The following SCARB2 variants were observed in gnomAD, a reference collection of about 807,000 sequenced individuals.
SCARB2 encodes lysosome membrane protein 2.
SCARB2 carries 29 observed loss-of-function variants against 58.6 expected under a neutral mutation model. The observed-to-expected ratio is 0.49, with a 90% CI of 0.37 to 0.67. SCARB2 has a LOEUF of 0.67. SCARB2 is among the 30% of genes least tolerant of loss of function. SCARB2 has a pLI of 0.00. For missense variants in SCARB2, 488 were observed against 578.5 expected, an observed-to-expected ratio of 0.84 and a Z score of 1.60; for synonymous variants, 195 against 210.1, an observed-to-expected ratio of 0.93 and a Z score of 0.62.
chr4:76,205,749 C>T (rs1282235648), intron 1 of SCARB2, among the ~76,000 whole-genome samples: 2 of 152,168 alleles, frequency 1.3e-5, no homozygotes, highest in Non-Finnish European at 2.9e-5. Flanking sequence ...ACCCCAGCAG[C>T]AATATTCATT....
At chr4:76,207,004 G>T (rs990440325) in intron 1 of SCARB2, among the ~76,000 whole-genome samples, 1 of 152,052 alleles carries the variant, frequency 6.6e-6, no homozygotes, top group African/African-American at 2.4e-5. Context: ...ATAAAACAGG[G>T]ATATTATGTA....
At position 76,159,046 on chromosome 4, in the gene SCARB2, C is replaced by T. The variant is rs1000759727; in HGVS notation, c.*2667G>A. 1 of 152,186 alleles carries T rather than the reference C, an allele frequency of 6.6e-6. No homozygotes were observed. Among genetic ancestry groups the T allele is most frequent in the Non-Finnish European group, 1.5e-5 (1 of 68,032 alleles). 9.4% of individuals were successfully genotyped at this position (152,186 alleles called of 1,614,324 possible). ...TTGACCATTAGTGATCTTTCTAGAA[C>T]ATGAGGAAATCAAGTCTGGTTAGAA... On this transcript the variant is annotated 3_prime_UTR_variant, in exon 12 of 12. Transcript: ENST00000264896.
At position 76,213,715 on chromosome 4, in the gene SCARB2, CG is replaced by C; in HGVS notation, c.-173del. ...TCTGGGCTCCGCGGCCTGGCGAGCG[CG>C]GCCCCGGGTGCACCGGGCGGATGGG... On this transcript the variant is annotated 5_prime_UTR_variant, in exon 1 of 12. Transcript: ENST00000264896. 1 of 535,114 alleles carries C rather than the reference CG, an allele frequency of 1.9e-6. No homozygotes were observed. Among genetic ancestry groups the C allele is most frequent in the Non-Finnish European group, 3.2e-6 (1 of 309,646 alleles). 33.1% of individuals were successfully genotyped at this position (535,114 alleles called of 1,614,324 possible). A position where few individuals can be genotyped will look rare whatever the true frequency, so the allele number is the denominator to read the frequency against.
intron 8 of SCARB2, among the ~76,000 whole-genome samples, chr4:76,169,329 C>A (rs957700641): frequency 1.4e-5 from 2 of 140,504 alleles, no homozygotes; most frequent in Non-Finnish European, 3.0e-5. Context: ...CACACACACA[C>A]ACACACACAC....
intron 1 of SCARB2, among the ~76,000 whole-genome samples, chr4:76,222,020 TAC>T (rs1733318211): frequency 6.6e-6 from 1 of 152,234 alleles, no homozygotes; most frequent in Non-Finnish European, 1.5e-5. Flanking sequence ...CCACCTGGTA[TAC>T]TAATATCTCT....
intron 1 of SCARB2, among the ~76,000 whole-genome samples, chr4:76,206,127 T>C (rs1732926344): frequency 1.3e-5 from 2 of 152,154 alleles, no homozygotes; most frequent in Admixed American, 6.5e-5. Flanking sequence ...TCATTTGCCA[T>C]GTGAGGTTAG....
Position 76,161,580 on chromosome 4 carries a change from T to C in SCARB2, c.*133A>G. 1.1e-6 allele frequency: 1 copy of C among 914,874 alleles called. No individual in the cohort carries two copies. Among genetic ancestry groups the C allele is most frequent in the Non-Finnish European group, 1.8e-6 (1 of 552,744 alleles). 56.7% of individuals were successfully genotyped at this position (914,874 alleles called of 1,614,324 possible). ...CTTTAACCTCTGGCCAGAATGTTCC[T>C]ATCACTTGCCAGCGCCGTGTCTTTT... On this transcript the variant is annotated 3_prime_UTR_variant, in exon 12 of 12. Transcript: ENST00000264896.
At chr4:76,176,351 A>C (rs1732251106) in intron 5 of SCARB2, 86 bp downstream of exon 5, 1 of 901,776 alleles carries the variant, frequency 1.1e-6, no homozygotes, top group Admixed American at 2.1e-5. Flanking sequence ...AAAAAGGCTA[A>C]ACACATTTTT....
At chr4:76,161,993 G>A (rs1482179590) in intron 11 of SCARB2, 4 of 574,946 alleles carry the variant, frequency 7.0e-6, no homozygotes, top group African/African-American at 5.6e-5. Context: ...CCTTCTCTGT[G>A]TTGATCTGGA....
At chr4:76,201,488 G>A (rs377447729) in intron 1 of SCARB2, among the ~76,000 whole-genome samples, 3 of 152,292 alleles carry the variant, frequency 2.0e-5, no homozygotes, top group Non-Finnish European at 2.9e-5. Context: ...AGAGCACAAC[G>A]CTGTGCCAGG....
intron 5 of SCARB2, 96 bp downstream of exon 5, chr4:76,176,341 A>G: frequency 1.2e-6 from 1 of 820,940 alleles, no homozygotes; most frequent in Non-Finnish European, 2.0e-6. Flanking sequence ...TTTTCATCCA[A>G]AAAAGGCTAA....
chr4:76,223,735 A>G (rs546717748), intron 1 of SCARB2, among the ~76,000 whole-genome samples: 1 of 152,324 alleles, frequency 6.6e-6, no homozygotes, highest in Admixed American at 6.5e-5. Flanking sequence ...CTCAAGGCCC[A>G]GTCACAAGTG....
intron 7 of SCARB2, among the ~76,000 whole-genome samples, chr4:76,170,971 T>TATATATATATATATATA (rs34900504): frequency 7.5e-6 from 1 of 133,832 alleles, no homozygotes; most frequent in Non-Finnish European, 1.6e-5. Flanking sequence ...TATATATATA[T>TATATATATATATATATA]AACCAAATAG....
chr4:76,195,866 T>C lies in SCARB2; in HGVS notation c.118-2A>G. ...AGTACCATTCCTTAACACAATTTTC[T>C]AGGAAAAAACCAAAAGGAGATTTAC... On this transcript the variant is annotated splice_acceptor_variant, in intron 1 of 11. Coordinates refer to ENST00000264896, the MANE Select transcript of SCARB2 (RefSeq NM_005506.4). LOFTEE classifies it high-confidence loss of function. 6.2e-7 allele frequency: 1 copy of C among 1,604,728 alleles called. No individual in the cohort carries two copies. The highest frequency in any genetic ancestry group is 8.5e-7 in the Non-Finnish European group (1 of 1,177,134).
At chr4:76,196,317 C>T (rs1560716398) in intron 1 of SCARB2, among the ~76,000 whole-genome samples, 3 of 152,198 alleles carry the variant, frequency 2.0e-5, no homozygotes, top group Non-Finnish European at 4.4e-5. Context: ...CGTGCCACTG[C>T]ACTCCAGCCT....
intron 1 of SCARB2, among the ~76,000 whole-genome samples, chr4:76,200,665 C>T (rs1420851963): frequency 6.6e-6 from 1 of 152,298 alleles, no homozygotes; most frequent in Middle Eastern, 3.4e-3. Flanking sequence ...GCCTAACAAA[C>T]AGCTTATGCC....
chr4:76,208,321 G>T (rs765566568), intron 1 of SCARB2, among the ~76,000 whole-genome samples: 1 of 152,188 alleles, frequency 6.6e-6, no homozygotes, highest in African/African-American at 2.4e-5. Flanking sequence ...TCACAAGATC[G>T]TGTTTCTAAA....
At chr4:76,161,856 T>A in intron 11 of SCARB2, 105 bp from the exon 12 acceptor site, 2 of 1,050,502 alleles carry the variant, frequency 1.9e-6, no homozygotes, top group Non-Finnish European at 2.9e-6. Context: ...AGGAGAGACC[T>A]ATAGGAAGGT....
At chr4:76,180,021 T>G in intron 3 of SCARB2, 1 of 392,440 alleles carries the variant, frequency 2.5e-6, no homozygotes, top group African/African-American at 2.1e-5. Flanking sequence ...AAGGTGGCGC[T>G]ACCTTCCGCC....
Sources: gnomAD v4.1 joint callset for allele counts (sites outside exome capture counted in the v4.1 genomes callset) on GRCh38, gnomAD v4.1.1 for gene constraint, MANE v1.5 for transcripts, NCBI Gene and HGNC (gene_info 2026-07-23, HGNC 2026-07-21) for gene names.